C1QTNF3: variants seen among roughly 807,000 people sequenced by gnomAD.
The protein encoded by C1QTNF3 is C1q and TNF related 3.
In C1QTNF3, 26 loss-of-function variants were observed where a neutral mutation model predicts 32.6. That is an observed-to-expected ratio of 0.80 (90% CI 0.58 to 1.11). C1QTNF3 has a LOEUF of 1.11. Among genes scored for constraint, C1QTNF3 ranks in the 50% least tolerant of loss-of-function variants. The probability of loss-of-function intolerance (pLI) is 0.00; values close to 1 mark genes in which losing one functional copy is unlikely to be tolerated. For missense variants in C1QTNF3, 362 were observed against 398.2 expected (o/e 0.91, Z 0.77); for synonymous variants, 155 against 146.0 (o/e 1.06, Z -0.44).
the C1QTNF3 span, among the ~76,000 whole-genome samples, chr5:34,195,277 A>T: frequency 2.6e-5 from 4 of 151,546 alleles, no homozygotes; most frequent in Non-Finnish European, 5.9e-5. Context: ...AAAAATAAAA[A>T]TTTTTAAAGC....
chr5:34,050,926 TGTTCTTCTGTCTTTCAGATAAAGTGA>T, the C1QTNF3 span, among the ~76,000 whole-genome samples: 2 of 152,236 alleles, frequency 1.3e-5, no homozygotes, highest in African/African-American at 2.4e-5. Context: ...GTCTTGATTT[TGTTCTTCTGTCTTTCAGATAAAGTGA>T]GTTCTAGTCA....
At chr5:34,124,008 CTTATAATATCG>C in the C1QTNF3 span, among the ~76,000 whole-genome samples, 1 of 152,082 alleles carries the variant, frequency 6.6e-6, no homozygotes, top group Non-Finnish European at 1.5e-5. Context: ...CCTAAATCAG[CTTATAATATCG>C]TTGATCATAC....
At chr5:34,211,397 CT>C in the C1QTNF3 span, among the ~76,000 whole-genome samples, 31 of 150,802 alleles carry the variant, frequency 2.1e-4, no homozygotes, top group East Asian at 5.8e-4. Flanking sequence ...TGTATACCCC[CT>C]TTTTTTTTAT....
chr5:34,206,151 CAAAT>C, the C1QTNF3 span, among the ~76,000 whole-genome samples: 7 of 151,194 alleles, frequency 4.6e-5, no homozygotes, highest in East Asian at 2.0e-4. Flanking sequence ...ACTGAATAAA[CAAAT>C]GAATGAGATA....
At chr5:34,241,279 C>A in the C1QTNF3 span, among the ~76,000 whole-genome samples, 1 of 151,936 alleles carries the variant, frequency 6.6e-6, no homozygotes, top group Non-Finnish European at 1.5e-5. Flanking sequence ...ACCAGAAATC[C>A]TAGTCAGAGC....
the C1QTNF3 span, among the ~76,000 whole-genome samples, chr5:34,057,974 C>T: frequency 6.6e-6 from 1 of 152,180 alleles, no homozygotes; most frequent in Admixed American, 6.5e-5. Flanking sequence ...GCCTCCCTGC[C>T]TTGGCTCCTG....
chr5:34,135,510 G>T, the C1QTNF3 span, among the ~76,000 whole-genome samples: 2 of 152,038 alleles, frequency 1.3e-5, no homozygotes, highest in Non-Finnish European at 2.9e-5. Flanking sequence ...GCTCCTCTTT[G>T]TACCTCTGGT....
chr5:34,204,069 T>C, the C1QTNF3 span, among the ~76,000 whole-genome samples: 3 of 151,970 alleles, frequency 2.0e-5, no homozygotes, highest in South Asian at 2.1e-4. Context: ...AATACGGTAA[T>C]ACTGGGAGAC....
the C1QTNF3 span, among the ~76,000 whole-genome samples, chr5:34,073,223 AAG>A: frequency 8.5e-5 from 13 of 152,058 alleles, no homozygotes; most frequent in African/African-American, 3.1e-4. Flanking sequence ...GCTACTAGGG[AAG>A]CTGAGGCAGG....
the C1QTNF3 span, among the ~76,000 whole-genome samples, chr5:34,073,483 C>T: frequency 1.1e-4 from 16 of 152,130 alleles, no homozygotes; most frequent in Non-Finnish European, 1.9e-4. Flanking sequence ...GAAGATTATG[C>T]GTTTGTCTAG....
the C1QTNF3 span, among the ~76,000 whole-genome samples, chr5:34,140,905 T>G: frequency 0.53 from 80,184 of 151,756 alleles, 22,483 homozygotes; most frequent in Non-Finnish European, 0.62. Context: ...GGGTCATAAT[T>G]ACAATGCTTG....
At chr5:34,117,953 GA>G in the C1QTNF3 span, among the ~76,000 whole-genome samples, 1 of 151,876 alleles carries the variant, frequency 6.6e-6, no homozygotes, top group Non-Finnish European at 1.5e-5. Context: ...AATCAACTAT[GA>G]AAAAAGAGTA....
chr5:34,070,704 T>C, the C1QTNF3 span, among the ~76,000 whole-genome samples: 1 of 150,100 alleles, frequency 6.7e-6, no homozygotes, highest in African/African-American at 2.5e-5. Context: ...ATGAGGTTAC[T>C]TGTTAAGTGA....
the C1QTNF3 span, among the ~76,000 whole-genome samples, chr5:34,055,533 T>C: frequency 1.3e-5 from 2 of 152,206 alleles, no homozygotes; most frequent in Admixed American, 1.3e-4. Flanking sequence ...CGGGGCTGAT[T>C]CTAAATTGAC....
At chr5:34,075,964 A>C in the C1QTNF3 span, among the ~76,000 whole-genome samples, 2 of 151,304 alleles carry the variant, frequency 1.3e-5, 1 homozygote, top group African/African-American at 4.9e-5. Flanking sequence ...TTTTGACACA[A>C]GTTGGAATAT....
the C1QTNF3 span, among the ~76,000 whole-genome samples, chr5:34,084,986 C>CTTT: frequency 6.3e-3 from 442 of 69,994 alleles, no homozygotes; most frequent in East Asian, 8.4e-3. Flanking sequence ...ACGTTTAAGT[C>CTTT]TTTTTTTTTT....
At chr5:34,127,047 T>C in the C1QTNF3 span, among the ~76,000 whole-genome samples, 2 of 152,220 alleles carry the variant, frequency 1.3e-5, no homozygotes, top group African/African-American at 2.4e-5. Context: ...CCTTCCGCCA[T>C]GATTGTAACC....
At chr5:34,200,541 G>C in the C1QTNF3 span, 2 of 151,810 alleles carry the variant, frequency 1.3e-5, no homozygotes, top group African/African-American at 4.8e-5. Context: ...TCACCCCCCA[G>C]CAATTCCACC....
the C1QTNF3 span, among the ~76,000 whole-genome samples, chr5:34,132,173 G>C: frequency 1.1e-4 from 16 of 152,072 alleles, no homozygotes; most frequent in African/African-American, 3.6e-4. Flanking sequence ...GATCACCTGA[G>C]GTCAGGAGTT....
Sources: allele counts gnomAD v4.1 joint callset (sites outside exome capture counted in the v4.1 genomes callset), GRCh38; gene constraint gnomAD v4.1.1; transcripts MANE v1.5; gene names NCBI Gene and HGNC (gene_info 2026-07-23, HGNC 2026-07-21).